The following ATF3 variants were observed in gnomAD, a reference collection of about 807,000 sequenced individuals.
ATF3 encodes activating transcription factor 3.
In ATF3, 10 loss-of-function variants were observed where a neutral mutation model predicts 18.4. The ratio of observed to expected loss-of-function variants is 0.54; its 90% CI spans 0.34 to 0.92. ATF3 has a LOEUF of 0.92. ATF3 is among the 40% of genes least tolerant of loss of function. The probability of loss-of-function intolerance (pLI) is 0.02; values close to 1 mark genes in which losing one functional copy is unlikely to be tolerated. For synonymous variants in ATF3, 78 were observed against 87.9 expected (o/e 0.89, Z 0.63); for missense variants, 183 against 222.3 (o/e 0.82, Z 1.12).
intron 1 of ATF3, among the ~76,000 whole-genome samples, chr1:212,598,352 G>C: frequency 6.6e-6 from 1 of 151,834 alleles, no homozygotes; most frequent in East Asian, 1.9e-4. Context: ...TACATAGTAA[G>C]TGTGTATGTT....
intron 1 of ATF3, among the ~76,000 whole-genome samples, chr1:212,573,290 A>C (rs1051830571): frequency 2.0e-5 from 3 of 152,066 alleles, no homozygotes; most frequent in African/African-American, 4.8e-5. Context: ...AAGTTCTTAA[A>C]TTTGTAATTA....
chr1:212,570,974 A>T (rs1156481657), intron 1 of ATF3, among the ~76,000 whole-genome samples: 3 of 152,212 alleles, frequency 2.0e-5, no homozygotes, highest in African/African-American at 7.2e-5. Flanking sequence ...TTTCTTGGAT[A>T]AATACCTATG....
intron 1 of ATF3, among the ~76,000 whole-genome samples, chr1:212,583,161 A>T (rs1053605747): frequency 1.3e-5 from 2 of 152,188 alleles, no homozygotes; most frequent in African/African-American, 2.4e-5. Flanking sequence ...ATAGCTAGAC[A>T]CTTCAGTGTC....
At position 212,615,293 on chromosome 1, in the gene ATF3, G is replaced by A. The variant is rs566545130; in HGVS notation, c.240+32G>A. The stretch of plus-strand genomic sequence containing the variant: ...TCTATCACAGGTATTCATTCTTTCG[G>A]CACATGTTTCGCTCGCAGCCACTGT... On this transcript the variant is annotated intron_variant, in intron 2 of 3. Coordinates refer to ENST00000341491, the MANE Select transcript of ATF3 (RefSeq NM_001674.4). 83 of 1,608,682 alleles carry A rather than the reference G, an allele frequency of 5.2e-5. No individual in the cohort carries two copies. The South Asian group carries it at 7.6e-4, about 15-fold the overall frequency.
In ATF3 at chr1:212,618,246, C is replaced by T; in HGVS notation, c.348+12C>T. ...AGTGCCTGCAGAAAGTGAGTGCCTT[C>T]TAGCCTTACCCTTCCTCTCGCTCAC... On this transcript the variant is annotated intron_variant, in intron 3 of 3. Transcript: ENST00000341491. The surrounding 1 kb of genome is among the most constrained non-coding windows in gnomAD (Gnocchi z 4.4). 3 of 1,612,926 alleles carry T rather than the reference C, an allele frequency of 1.9e-6. No individual in the cohort carries two copies. The highest frequency in any genetic ancestry group is 2.5e-6 in the Non-Finnish European group (3 of 1,178,906).
At chr1:212,589,719 G>C (rs1390924932) in intron 1 of ATF3, among the ~76,000 whole-genome samples, 1 of 148,274 alleles carries the variant, frequency 6.7e-6, no homozygotes, top group Non-Finnish European at 1.5e-5. Context: ...AAGAAAAAAA[G>C]AATGTCTTAA....
At chr1:212,616,576 G>A (rs2102661430) in intron 2 of ATF3, among the ~76,000 whole-genome samples, 1 of 152,290 alleles carries the variant, frequency 6.6e-6, no homozygotes, top group Non-Finnish European at 1.5e-5. Context: ...GGGATTACAG[G>A]TGTGAGCCAC....
At chr1:212,594,834 G>A in intron 1 of ATF3, among the ~76,000 whole-genome samples, 1 of 152,212 alleles carries the variant, frequency 6.6e-6, no homozygotes, top group East Asian at 1.9e-4. Context: ...TACAGGTCAG[G>A]GGAAAGAAGA....
intron 1 of ATF3, 46 bp from the exon 2 acceptor site, chr1:212,614,972 T>C: frequency 6.2e-7 from 1 of 1,614,058 alleles, no homozygotes; most frequent in East Asian, 2.2e-5. Flanking sequence ...CTTGATCCCA[T>C]GCCCCAGAGC....
At chr1:212,612,765 T>C (rs1405357700) in intron 1 of ATF3, among the ~76,000 whole-genome samples, 1 of 152,122 alleles carries the variant, frequency 6.6e-6, no homozygotes, top group Non-Finnish European at 1.5e-5. Context: ...GTATGTTAGA[T>C]CTCCAGGGGG....
intron 1 of ATF3, among the ~76,000 whole-genome samples, chr1:212,585,050 A>G (rs4951618): frequency 0.12 from 18,576 of 152,186 alleles, 1,621 homozygotes; most frequent in East Asian, 0.29. Context: ...GGAGGAGAAG[A>G]GAAACCCTAC....
intron 1 of ATF3, among the ~76,000 whole-genome samples, chr1:212,569,594 T>A (rs78266087): frequency 6.6e-6 from 1 of 151,232 alleles, no homozygotes; most frequent in East Asian, 1.9e-4. Flanking sequence ...AACCAGTAAA[T>A]TTTTTTTTGG....
intron 1 of ATF3, among the ~76,000 whole-genome samples, chr1:212,612,989 G>A (rs1187964515): frequency 1.3e-5 from 2 of 152,190 alleles, no homozygotes; most frequent in African/African-American, 4.8e-5. Context: ...AGGATATTAT[G>A]GGAAAATAGG....
At chr1:212,582,565 T>A (rs1342443149) in intron 1 of ATF3, among the ~76,000 whole-genome samples, 1 of 152,208 alleles carries the variant, frequency 6.6e-6, no homozygotes, top group Admixed American at 6.5e-5. Context: ...CGCAAGAAAG[T>A]CAGTAAAATA....
At chr1:212,586,065 G>A (rs902506862) in intron 1 of ATF3, among the ~76,000 whole-genome samples, 1 of 152,174 alleles carries the variant, frequency 6.6e-6, no homozygotes, top group African/African-American at 2.4e-5. Context: ...CTGCCCGTGG[G>A]CAGGGGAGGT....
intron 1 of ATF3, among the ~76,000 whole-genome samples, chr1:212,579,360 G>A (rs1245746541): frequency 1.3e-5 from 2 of 152,146 alleles, no homozygotes; most frequent in Non-Finnish European, 2.9e-5. Flanking sequence ...TCAGTTCCAT[G>A]TACCTTCCCC....
At chr1:212,607,474 C>T (rs769733626), upstream of ATF3, among the ~76,000 whole-genome samples, 8 of 152,212 alleles carry the variant, frequency 5.3e-5, no homozygotes, top group Non-Finnish European at 1.0e-4. Flanking sequence ...GGAATAAGAA[C>T]CAGGAAATCG....
intron 1 of ATF3, among the ~76,000 whole-genome samples, chr1:212,585,941 T>C (rs1450594365): frequency 6.6e-6 from 1 of 152,152 alleles, no homozygotes; most frequent in Non-Finnish European, 1.5e-5. Context: ...TTGGCACCCA[T>C]CCTCCTGACT....
chr1:212,571,714 CTT>C (rs36034401), intron 1 of ATF3, among the ~76,000 whole-genome samples: 33 of 126,800 alleles, frequency 2.6e-4, no homozygotes, highest in East Asian at 4.7e-4. Context: ...CCAGCCAATA[CTT>C]TTTTTTTTTT....
Sources: allele counts gnomAD v4.1 joint callset (sites outside exome capture counted in the v4.1 genomes callset), GRCh38; gene constraint gnomAD v4.1.1; non-coding constraint Gnocchi (gnomAD v3.1); transcripts MANE v1.5; gene names NCBI Gene and HGNC (gene_info 2026-07-23, HGNC 2026-07-21).